The following RAB38 variants were observed in gnomAD, a reference collection of about 807,000 sequenced individuals.
RAB38 encodes ras-related protein Rab-38.
Under a neutral mutation model 18.4 loss-of-function variants are expected in RAB38, and 15 were observed. The ratio of observed to expected loss-of-function variants is 0.82; its 90% CI spans 0.55 to 1.26. The LOEUF (loss-of-function observed/expected upper bound fraction) is 1.26, where lower values mean the gene tolerates loss of function less well. Ranked by LOEUF, RAB38 falls within the 50% of genes most tolerant of loss-of-function variation. RAB38 has a pLI of 0.00. For missense variants in RAB38, 294 were observed against 267.4 expected, an observed-to-expected ratio of 1.10 and a Z score of -0.69; for synonymous variants, 101 against 104.4, an observed-to-expected ratio of 0.97 and a Z score of 0.20.
the RAB38 span, among the ~76,000 whole-genome samples, chr11:88,054,157 A>T: frequency 6.6e-6 from 1 of 152,164 alleles, no homozygotes; most frequent in Non-Finnish European, 1.5e-5. Flanking sequence ...TATTATGAAG[A>T]ATAAGAGATA....
intron 2 of RAB38, among the ~76,000 whole-genome samples, chr11:88,127,216 T>C (rs1007599115): frequency 2.6e-5 from 4 of 152,214 alleles, no homozygotes; most frequent in African/African-American, 9.6e-5. Context: ...CAGTTTCTCA[T>C]TCTGGGCTGG....
chr11:88,142,537 T>C (rs1359291500), intron 2 of RAB38, among the ~76,000 whole-genome samples: 3 of 152,222 alleles, frequency 2.0e-5, no homozygotes, highest in South Asian at 2.1e-4. Context: ...GAAAAATGTA[T>C]TGGAGTCAGG....
the RAB38 span, among the ~76,000 whole-genome samples, chr11:87,871,804 C>A: frequency 1.3e-5 from 2 of 151,494 alleles, no homozygotes; most frequent in African/African-American, 4.8e-5. Context: ...TGTTGCCTAA[C>A]ATTCTGTGAA....
At chr11:87,899,468 C>CT in the RAB38 span, among the ~76,000 whole-genome samples, 1 of 151,586 alleles carries the variant, frequency 6.6e-6, no homozygotes, top group African/African-American at 2.4e-5. Context: ...AGAAGCTGTA[C>CT]TTTTTAAATG....
the RAB38 span, among the ~76,000 whole-genome samples, chr11:88,054,911 G>C: frequency 6.6e-6 from 1 of 152,200 alleles, no homozygotes; most frequent in Non-Finnish European, 1.5e-5. Flanking sequence ...CCTAGAGTCA[G>C]AGTTGTCTGG....
At chr11:88,018,569 A>C in the RAB38 span, among the ~76,000 whole-genome samples, 1 of 152,266 alleles carries the variant, frequency 6.6e-6, no homozygotes, top group South Asian at 2.1e-4. Context: ...TGTCCCTAGC[A>C]GAAAGCAGCG....
At chr11:88,080,735 G>A in the RAB38 span, among the ~76,000 whole-genome samples, 1,816 of 151,510 alleles carry the variant, frequency 0.012, 34 homozygotes, top group African/African-American at 0.041. Flanking sequence ...TTAGCACCTC[G>A]CCCCTGATAC....
chr11:87,807,510 G>C, the RAB38 span, among the ~76,000 whole-genome samples: 1 of 152,112 alleles, frequency 6.6e-6, no homozygotes, highest in South Asian at 2.1e-4. Flanking sequence ...AAGTAGTTCT[G>C]TTTCAGTCAG....
At chr11:87,946,253 G>A in the RAB38 span, among the ~76,000 whole-genome samples, 3 of 152,108 alleles carry the variant, frequency 2.0e-5, no homozygotes, top group Non-Finnish European at 4.4e-5. Context: ...ATACTGGTCA[G>A]TTATTTAGCT....
At chr11:88,172,437 A>G (rs1450819399) in intron 1 of RAB38, among the ~76,000 whole-genome samples, 2 of 152,224 alleles carry the variant, frequency 1.3e-5, no homozygotes, top group African/African-American at 4.8e-5. Flanking sequence ...TTGGCATTGA[A>G]CCAAATGAGT....
the RAB38 span, among the ~76,000 whole-genome samples, chr11:87,848,559 A>T: frequency 6.6e-6 from 1 of 151,824 alleles, no homozygotes; most frequent in African/African-American, 2.4e-5. Flanking sequence ...AAATATGTTC[A>T]CATGCCTGTA....
chr11:87,891,501 C>A, the RAB38 span, among the ~76,000 whole-genome samples: 55 of 151,800 alleles, frequency 3.6e-4, no homozygotes, highest in African/African-American at 1.2e-3. Flanking sequence ...TTTGCTCTTT[C>A]CTCCATTTAC....
chr11:87,955,873 GCACACACACACA>G, the RAB38 span, among the ~76,000 whole-genome samples: 589 of 148,612 alleles, frequency 4.0e-3, 2 homozygotes, highest in Middle Eastern at 0.014. Flanking sequence ...CAAACAGTAT[GCACACACACACA>G]CACACACACA....
At chr11:87,837,279 T>C in the RAB38 span, among the ~76,000 whole-genome samples, 2 of 152,208 alleles carry the variant, frequency 1.3e-5, no homozygotes, top group East Asian at 3.8e-4. Flanking sequence ...TTGTTTAAAG[T>C]GTTGGGTGCT....
chr11:87,921,240 C>T, the RAB38 span, among the ~76,000 whole-genome samples: 14 of 152,022 alleles, frequency 9.2e-5, no homozygotes, highest in East Asian at 1.9e-4. Context: ...TAAGTAGAAA[C>T]GATACTTTGA....
At chr11:88,021,561 ATAATTTAT>A in the RAB38 span, among the ~76,000 whole-genome samples, 4 of 141,402 alleles carry the variant, frequency 2.8e-5, no homozygotes, top group South Asian at 2.3e-4. Flanking sequence ...ATAGAGAAAG[ATAATTTAT>A]TTATTTATTT....
chr11:87,823,882 A>G, the RAB38 span, among the ~76,000 whole-genome samples: 1 of 152,196 alleles, frequency 6.6e-6, no homozygotes, highest in Admixed American at 6.5e-5. Context: ...AGATAAGTAC[A>G]TATTATATAA....
the RAB38 span, among the ~76,000 whole-genome samples, chr11:88,071,842 A>T: frequency 6.6e-6 from 1 of 152,158 alleles, no homozygotes; most frequent in African/African-American, 2.4e-5. Context: ...CCCCATACTA[A>T]ACACACACTG....
the RAB38 span, among the ~76,000 whole-genome samples, chr11:88,064,046 T>C: frequency 6.6e-6 from 1 of 152,168 alleles, no homozygotes; most frequent in Admixed American, 6.5e-5. Flanking sequence ...TAAATGTCTA[T>C]ATTGACAACC....
Sources: allele counts gnomAD v4.1 joint callset (sites outside exome capture counted in the v4.1 genomes callset), GRCh38; gene constraint gnomAD v4.1.1; transcripts MANE v1.5; gene names NCBI Gene and HGNC (gene_info 2026-07-23, HGNC 2026-07-21).